The following CFAP91 variants were observed in gnomAD, a reference collection of about 807,000 sequenced individuals.
CFAP91 encodes the protein cilia- and flagella-associated protein 91.
Under a neutral mutation model 95.9 loss-of-function variants are expected in CFAP91, and 85 were observed. The ratio of observed to expected loss-of-function variants is 0.89; its 90% CI spans 0.74 to 1.06. The LOEUF (loss-of-function observed/expected upper bound fraction) is 1.06. Among genes scored for constraint, CFAP91 ranks in the 50% least tolerant of loss-of-function variants. CFAP91 has a pLI of 0.00. For missense variants in CFAP91, 962 were observed against 943.4 expected (o/e 1.02, Z -0.26); for synonymous variants, 335 against 327.5 (o/e 1.02, Z -0.25).
At chr3:119,761,551 A>G (rs916991865) in intron 17 of CFAP91, among the ~76,000 whole-genome samples, 2 of 151,884 alleles carry the variant, frequency 1.3e-5, no homozygotes, top group African/African-American at 2.4e-5. Flanking sequence ...AAGAAAAATT[A>G]CAGGCCAATA....
intron 1 of CFAP91, among the ~76,000 whole-genome samples, chr3:119,705,034 A>G (rs538515945): frequency 5.3e-5 from 8 of 152,318 alleles, no homozygotes; most frequent in Admixed American, 1.3e-4. Context: ...AGCTCACCTC[A>G]TAACCCGTTT....
intron 6 of CFAP91, among the ~76,000 whole-genome samples, chr3:119,718,023 G>A (rs568742914): frequency 7.9e-5 from 12 of 152,282 alleles, no homozygotes; most frequent in South Asian, 6.2e-4. Flanking sequence ...GTAGCCACTC[G>A]CAGGTCAAGG....
At chr3:119,703,942 A>ATT (rs36057815) in intron 1 of CFAP91, among the ~76,000 whole-genome samples, 1 of 151,964 alleles carries the variant, frequency 6.6e-6, no homozygotes, top group South Asian at 2.1e-4. Context: ...TATAAGCATG[A>ATT]TTTTTTCCAA....
intron 4 of CFAP91, among the ~76,000 whole-genome samples, chr3:119,708,949 G>C (rs1290126005): frequency 1.3e-5 from 2 of 151,500 alleles, no homozygotes; most frequent in Non-Finnish European, 2.9e-5. Flanking sequence ...TTCCAACTAA[G>C]CCTGCCTGAC....
chr3:119,735,881 A>T (rs1398539954), intron 10 of CFAP91, among the ~76,000 whole-genome samples: 1 of 151,876 alleles, frequency 6.6e-6, no homozygotes, highest in Non-Finnish European at 1.5e-5. Context: ...ACAACAATAT[A>T]TTTTATTTAT....
chr3:119,754,054 TG>T (rs967249885), intron 17 of CFAP91, among the ~76,000 whole-genome samples: 5 of 152,184 alleles, frequency 3.3e-5, no homozygotes, highest in Non-Finnish European at 7.4e-5. Flanking sequence ...CCTAAACATG[TG>T]GGAGTGGCCT....
chr3:119,719,357 G>A (rs1227140670), intron 6 of CFAP91, among the ~76,000 whole-genome samples: 1 of 152,140 alleles, frequency 6.6e-6, no homozygotes, highest in African/African-American at 2.4e-5. Context: ...TCCTTGATCT[G>A]GGTGCTGATT....
intron 17 of CFAP91, among the ~76,000 whole-genome samples, chr3:119,751,851 C>T (rs1403625905): frequency 6.6e-6 from 1 of 152,148 alleles, no homozygotes; most frequent in Non-Finnish European, 1.5e-5. Flanking sequence ...GCATAGCTTC[C>T]AGGGTCCCCA....
chr3:119,757,263 G>A (rs906228133), intron 17 of CFAP91, among the ~76,000 whole-genome samples: 1 of 152,120 alleles, frequency 6.6e-6, no homozygotes, highest in Non-Finnish European at 1.5e-5. Context: ...AGAACTGCCT[G>A]GAGAAATAGA....
chr3:119,720,363 C>G (rs1428146570), intron 6 of CFAP91, among the ~76,000 whole-genome samples: 1 of 149,250 alleles, frequency 6.7e-6, no homozygotes. Flanking sequence ...TGCCACTGCA[C>G]TCCAGCCTGG....
rs1369360752 is a variant in CFAP91, at chr3:119,732,412, G to A, written c.1137G>A (p.Gly379=). ...SQVYGPLSRL[G]CFPDNNSEDF... is the part of the protein sequence containing the mutation. The stretch of plus-strand genomic sequence containing the variant: ...TCTATGGACCTCTGTCTCGTCTTGG[G>A]TGTTTCCCAGACAACAACTCAGAGG... Residue 379 remains glycine, a synonymous_variant, in exon 9 of 18, where the codon GGG becomes GGA. Transcript: ENST00000273390. 2.5e-6 allele frequency: 4 copies of A among 1,612,882 alleles called. No individual in the cohort carries two copies. The highest frequency in any genetic ancestry group is 3.4e-6 in the Non-Finnish European group (4 of 1,179,482).
chr3:119,752,960 A>C lies in CFAP91; in HGVS notation c.*1+1862A>C, dbSNP rs533252658. ...GTATATCCTCCCTCTTCCTTCTTGCAGAGGGAAGCAGAGAATGACAGATGT... is the reference window on the plus strand; with the variant it reads ...GTATATCCTCCCTCTTCCTTCTTGCCGAGGGAAGCAGAGAATGACAGATGT... On this transcript the variant is annotated intron_variant, in intron 17 of 17. Coordinates refer to ENST00000273390, the MANE Select transcript of CFAP91 (RefSeq NM_033364.4). Among the ~76,000 whole-genome samples the C allele has an allele frequency of 9.2e-5, 14 of 152,322 alleles. No homozygotes were observed. In the East Asian group the frequency reaches 2.5e-3, roughly 27 times the overall value.
At chr3:119,718,024 C>T (rs1361212213) in intron 6 of CFAP91, among the ~76,000 whole-genome samples, 1 of 152,178 alleles carries the variant, frequency 6.6e-6, no homozygotes, top group African/African-American at 2.4e-5. Context: ...TAGCCACTCG[C>T]AGGTCAAGGC....
At chr3:119,754,935 A>G (rs183131291) in intron 17 of CFAP91, among the ~76,000 whole-genome samples, 8 of 152,232 alleles carry the variant, frequency 5.3e-5, no homozygotes, top group Non-Finnish European at 8.8e-5. Flanking sequence ...TCAAGAATTA[A>G]GATCCAGTGG....
chr3:119,756,992 G>A (rs374292793), intron 17 of CFAP91, among the ~76,000 whole-genome samples: 10 of 152,122 alleles, frequency 6.6e-5, no homozygotes, highest in African/African-American at 2.2e-4. Context: ...TAAATTATAT[G>A]CTGCTTGCAG....
intron 13 of CFAP91, 160 bp downstream of exon 13, chr3:119,740,855 G>T: frequency 1.4e-6 from 1 of 730,792 alleles, no homozygotes; most frequent in Non-Finnish European, 2.2e-6. Flanking sequence ...GTGTGTGTGT[G>T]TGTGTGTGTG....
intron 1 of CFAP91, among the ~76,000 whole-genome samples, chr3:119,704,787 A>T (rs2053327187): frequency 6.6e-6 from 1 of 151,530 alleles, no homozygotes; most frequent in Non-Finnish European, 1.5e-5. Context: ...AAGTTGAAAA[A>T]CTCCAATTAC....
At chr3:119,728,165 T>C (rs2053823113) in intron 7 of CFAP91, among the ~76,000 whole-genome samples, 1 of 152,274 alleles carries the variant, frequency 6.6e-6, no homozygotes, top group South Asian at 2.1e-4. Flanking sequence ...GTTCTGTCAA[T>C]GATATCAGAT....
At chr3:119,733,632 T>G (rs146772887) in intron 10 of CFAP91, 126 bp downstream of exon 10, 1 of 956,260 alleles carries the variant, frequency 1.0e-6, no homozygotes, top group African/African-American at 1.6e-5. Flanking sequence ...TCTGCACTTT[T>G]CTGAGGTTGC....
Sources: allele counts gnomAD v4.1 joint callset (sites outside exome capture counted in the v4.1 genomes callset), GRCh38; gene constraint gnomAD v4.1.1; transcripts MANE v1.5; gene names NCBI Gene and HGNC (gene_info 2026-07-23, HGNC 2026-07-21).